Variants in ARHGAP35 observed in about 807,000 individuals in gnomAD.
ARHGAP35 encodes the protein rho GTPase-activating protein 35.
Under a neutral mutation model 111.1 loss-of-function variants are expected in ARHGAP35, and 15 were observed. The ratio of observed to expected loss-of-function variants is 0.13; its 90% CI spans 0.09 to 0.21. The LOEUF is 0.21. Ranked by LOEUF, ARHGAP35 falls within the 10% of genes least tolerant of loss-of-function variation. The pLI is 1.00. For synonymous variants in ARHGAP35, 643 were observed against 710.3 expected (o/e 0.91, Z 1.51); for missense variants, 1,262 against 1,873.0 (o/e 0.67, Z 6.02).
chr19:46,888,964 C>T lies in ARHGAP35; in HGVS notation c.-189+27755C>T, dbSNP rs182222243. On this transcript the variant is annotated intron_variant, in intron 1 of 6. Transcript: ENST00000672722. ...GCAGTGAGCCAAGATCACGCCACTG[C>T]ACTCCAGCCTGGGTGGCAGAGCGAG... Among the ~76,000 whole-genome samples the T allele has an allele frequency of 9.9e-5, 15 of 151,776 alleles. 1 individual carries two copies. Among genetic ancestry groups the T allele is most frequent in the African/African-American group, 3.6e-4 (15 of 41,400 alleles).
chr19:46,975,657 C>T (rs940027691), intron 3 of ARHGAP35, among the ~76,000 whole-genome samples: 5 of 152,326 alleles, frequency 3.3e-5, no homozygotes, highest in African/African-American at 1.2e-4. Flanking sequence ...AAAAGGCCTA[C>T]GTTCCAGCCC....
At chr19:46,865,334 G>A (rs896204116) in intron 1 of ARHGAP35, among the ~76,000 whole-genome samples, 3 of 152,144 alleles carry the variant, frequency 2.0e-5, no homozygotes, top group African/African-American at 4.8e-5. Context: ...CCTCATTTAA[G>A]TTATCATCTT....
chr19:46,938,544 G>A (rs1357306083), intron 3 of ARHGAP35, among the ~76,000 whole-genome samples: 2 of 151,948 alleles, frequency 1.3e-5, no homozygotes, highest in East Asian at 1.9e-4. Context: ...GTAGAGACGG[G>A]TTTTTGCCAT....
At chr19:46,891,868 G>A (rs978200076) in intron 1 of ARHGAP35, among the ~76,000 whole-genome samples, 2 of 152,124 alleles carry the variant, frequency 1.3e-5, no homozygotes, top group South Asian at 2.1e-4. Context: ...CTGGCCAGGC[G>A]CGATGGCTCA....
intron 1 of ARHGAP35, among the ~76,000 whole-genome samples, chr19:46,871,610 T>C (rs1308186541): frequency 3.9e-5 from 6 of 151,908 alleles, no homozygotes; most frequent in Admixed American, 3.9e-4. Context: ...CCCAAAGTGC[T>C]GGGATTACAG....
intron 2 of ARHGAP35, among the ~76,000 whole-genome samples, chr19:46,932,613 G>A (rs949217402): frequency 1.3e-5 from 2 of 152,104 alleles, no homozygotes; most frequent in Non-Finnish European, 2.9e-5. Context: ...CCCAGCTCTT[G>A]GCATGCACCC....
intron 1 of ARHGAP35, among the ~76,000 whole-genome samples, chr19:46,873,478 C>CA (rs1303996114): frequency 2.2e-4 from 33 of 147,774 alleles, no homozygotes; most frequent in Non-Finnish European, 2.3e-4. Context: ...ACTAAAAATA[C>CA]AAAAAAAAAA....
At chr19:46,862,706 T>A (rs1361018233) in intron 1 of ARHGAP35, among the ~76,000 whole-genome samples, 1 of 152,196 alleles carries the variant, frequency 6.6e-6, no homozygotes, top group Non-Finnish European at 1.5e-5. Flanking sequence ...ATTGCCGTCC[T>A]TTCTTGGAGC....
chr19:46,888,963 G>A (rs2056010043), intron 1 of ARHGAP35, among the ~76,000 whole-genome samples: 1 of 151,754 alleles, frequency 6.6e-6, no homozygotes. Flanking sequence ...TCACGCCACT[G>A]CACTCCAGCC....
At chr19:46,978,556 G>GTGTGTGTGTGGTGGGA (rs1568485517) in intron 3 of ARHGAP35, among the ~76,000 whole-genome samples, 55 of 144,482 alleles carry the variant, frequency 3.8e-4, no homozygotes, top group African/African-American at 1.4e-3. Context: ...GTGTGGTGAG[G>GTGTGTGTGTGGTGGGA]TGTGTGTGTG....
In ARHGAP35 at chr19:46,865,984, G is replaced by A. The variant is rs566308653; in HGVS notation, c.-189+4775G>A. ...GCCTCCCGAGTAGCTGGGATTACAG[G>A]CATGCACCACCACGCCAGGTTAATT... On this transcript the variant is annotated intron_variant, in intron 1 of 6. Coordinates refer to ENST00000672722, the MANE Select transcript of ARHGAP35 (RefSeq NM_004491.5). 2.3e-4 allele frequency among the ~76,000 whole-genome samples: 35 copies of A among 152,168 alleles called. 1 individual carries two copies. The South Asian group carries it at 5.6e-3, about 24-fold the overall frequency.
chr19:46,915,953 T>A (rs986877255), intron 1 of ARHGAP35, among the ~76,000 whole-genome samples: 2 of 146,780 alleles, frequency 1.4e-5, no homozygotes, highest in African/African-American at 5.1e-5. Flanking sequence ...TTTTTTTTTT[T>A]AAGATGGAGT....
At chr19:46,968,813 G>A (rs1426165728) in intron 3 of ARHGAP35, among the ~76,000 whole-genome samples, 1 of 152,192 alleles carries the variant, frequency 6.6e-6, no homozygotes, top group Non-Finnish European at 1.5e-5. Flanking sequence ...TGGGCCGGGT[G>A]CAGTGGCTCA....
At chr19:46,902,443 G>A in intron 1 of ARHGAP35, among the ~76,000 whole-genome samples, 1 of 152,204 alleles carries the variant, frequency 6.6e-6, no homozygotes, top group Non-Finnish European at 1.5e-5. Context: ...GTTTGTGCCT[G>A]TAGGAATGCA....
In ARHGAP35 at chr19:46,925,580, A is replaced by G. The variant is rs140688977; in HGVS notation, c.3681+3224A>G. On this transcript the variant is annotated intron_variant, in intron 2 of 6. Coordinates refer to ENST00000672722, the MANE Select transcript of ARHGAP35 (RefSeq NM_004491.5). Reference sequence around the variant, plus strand: ...AGACCCTTCTTGCCCAGACCTTAGTACCCAGTTGAGGCAGCAAGGCCTACA... The same window carrying G: ...AGACCCTTCTTGCCCAGACCTTAGTGCCCAGTTGAGGCAGCAAGGCCTACA... Among the ~76,000 whole-genome samples, 388 of 152,290 alleles carry G rather than the reference A, an allele frequency of 2.5e-3. 10 individuals carry two copies. Among genetic ancestry groups the G allele is most frequent in the Admixed American group, 0.022 (334 of 15,296 alleles).
chr19:46,943,303 C>T (rs1241653091), intron 3 of ARHGAP35, among the ~76,000 whole-genome samples: 1 of 152,154 alleles, frequency 6.6e-6, no homozygotes, highest in East Asian at 1.9e-4. Flanking sequence ...CCTTCCAGGA[C>T]CAAGTGTGGC....
At position 46,956,479 on chromosome 19, in the gene ARHGAP35, G is replaced by T. The variant is rs142572067; in HGVS notation, c.3826+19071G>T. ...CTGTCACCCAGGCTGGAGTGCAATG[G>T]CACGGTCTCAGCTCATTGCAACCTC... On this transcript the variant is annotated intron_variant, in intron 3 of 6. Transcript: ENST00000672722. Among the ~76,000 whole-genome samples, 87 of 151,212 alleles carry T rather than the reference G, an allele frequency of 5.8e-4. 2 individuals carry two copies. In the East Asian group the frequency reaches 0.015, roughly 27 times the overall value.
chr19:46,893,205 G>A (rs2056034715), intron 1 of ARHGAP35, among the ~76,000 whole-genome samples: 1 of 152,158 alleles, frequency 6.6e-6, no homozygotes, highest in Non-Finnish European at 1.5e-5. Flanking sequence ...CCTGAATAGG[G>A]GGAGGAGCCT....
At chr19:46,959,131 T>A (rs1211871688) in intron 3 of ARHGAP35, among the ~76,000 whole-genome samples, 2 of 152,140 alleles carry the variant, frequency 1.3e-5, no homozygotes, top group African/African-American at 4.8e-5. Context: ...CAGACTAGAG[T>A]GCAGTGGCAC....
Sources: gnomAD v4.1 joint callset for allele counts (sites outside exome capture counted in the v4.1 genomes callset) on GRCh38, gnomAD v4.1.1 for gene constraint, MANE v1.5 for transcripts, NCBI Gene and HGNC (gene_info 2026-07-23, HGNC 2026-07-21) for gene names.